AMMECR1: variants seen among roughly 807,000 people sequenced by gnomAD.
The protein encoded by AMMECR1 is nuclear protein AMMECR1.
AMMECR1 carries 3 observed loss-of-function variants against 22.5 expected under a neutral mutation model. That is an observed-to-expected ratio of 0.13 (90% CI 0.06 to 0.35). AMMECR1 has a LOEUF of 0.35. Among genes scored for constraint, AMMECR1 ranks in the 10% least tolerant of loss-of-function variants. The probability of loss-of-function intolerance (pLI) is 1.00; values close to 1 mark genes in which losing one functional copy is unlikely to be tolerated. For missense variants in AMMECR1, 235 were observed against 278.7 expected (o/e 0.84, Z 1.12); for synonymous variants, 130 against 116.7 (o/e 1.11, Z -0.74).
intron 1 of AMMECR1, among the ~76,000 whole-genome samples, chrX:110,317,322 A>G (rs935848794): frequency 5.4e-5 from 6 of 111,429 alleles, no homozygotes; most frequent in African/African-American, 2.0e-4. Context: ...AGACAAGTAA[A>G]GGAGTCAAAA....
At chrX:110,285,332 A>C (rs1246910766) in intron 1 of AMMECR1, among the ~76,000 whole-genome samples, 1 of 112,434 alleles carries the variant, frequency 8.9e-6, no homozygotes, top group Admixed American at 9.4e-5. Flanking sequence ...ACTGAATCAG[A>C]AACTGGGAGT....
chrX:110,362,251 T>C (rs1266188559), intron 2 of AMMECR1, among the ~76,000 whole-genome samples: 1 of 111,696 alleles, frequency 9.0e-6, no homozygotes, highest in Non-Finnish European at 1.9e-5. Context: ...CCCTCATCCC[T>C]ACACTAAAAC....
At chrX:110,213,615 C>A (rs1221451810) in intron 3 of AMMECR1, among the ~76,000 whole-genome samples, 1 of 111,981 alleles carries the variant, frequency 8.9e-6, no homozygotes, top group Non-Finnish European at 1.9e-5. Flanking sequence ...TGGGTATATA[C>A]CTAGAAGTGA....
At chrX:110,201,988 A>G (rs1359274467) in intron 4 of AMMECR1, among the ~76,000 whole-genome samples, 1 of 111,986 alleles carries the variant, frequency 8.9e-6, no homozygotes, top group Non-Finnish European at 1.9e-5. Flanking sequence ...TGTTTTCGCA[A>G]TCCTCTGATC....
rs1443935687 is a variant in AMMECR1 at position 110,216,534 on chromosome X, T to C, written c.683A>G (p.Asp228Gly). The C allele has an allele frequency of 8.3e-7, 1 of 1,204,864 alleles. No homozygotes were observed. Among genetic ancestry groups the C allele is most frequent in the Non-Finnish European group, 1.1e-6 (1 of 890,024 alleles). Residue 228 changes from aspartate to glycine, a missense_variant, in exon 3 of 6, where the codon GAT (aspartate) becomes GGT (glycine). By Grantham distance (94) the Asp-to-Gly change is moderately conservative. Transcript: ENST00000262844. ...TAATCTTACCTCCCAGTCCAAATAATCACAGACATCTTCAAAGTTAGTGAG... is the reference window on the plus strand; with the variant it reads ...TAATCTTACCTCCCAGTCCAAATAACCACAGACATCTTCAAAGTTAGTGAG... The part of the protein sequence containing the change: ...SLLTNFEDVC[D>G]YLDWEVGVHG...
chrX:110,334,023 A>G (rs1300000555), intron 2 of AMMECR1, among the ~76,000 whole-genome samples: 1 of 111,914 alleles, frequency 8.9e-6, no homozygotes, highest in African/African-American at 3.3e-5. Context: ...GTCTGGTAGG[A>G]GTTCCTTATA....
chrX:110,262,078 T>TA (rs1489810839), intron 2 of AMMECR1, among the ~76,000 whole-genome samples: 2 of 111,781 alleles, frequency 1.8e-5, no homozygotes, highest in Non-Finnish European at 3.8e-5. Context: ...AATAACATAA[T>TA]ACGTAAAAAT....
At chrX:110,353,034 T>A (rs2068216952) in intron 2 of AMMECR1, among the ~76,000 whole-genome samples, 1 of 112,445 alleles carries the variant, frequency 8.9e-6, no homozygotes, top group Admixed American at 9.4e-5. Flanking sequence ...GTCTTCTGAT[T>A]TAGTCTTGGT....
chrX:110,317,499 C>CAG, intron 1 of AMMECR1, 100 bp downstream of exon 1: 1 of 1,081,793 alleles, frequency 9.2e-7, no homozygotes, highest in Non-Finnish European at 1.2e-6. Context: ...AGCGAGAGGG[C>CAG]AGGGGCATCC....
chrX:110,287,417 G>A (rs969429220), intron 1 of AMMECR1, among the ~76,000 whole-genome samples: 1 of 111,969 alleles, frequency 8.9e-6, no homozygotes, highest in Admixed American at 9.4e-5. Context: ...GTTGTAGGGA[G>A]GACATCTATT....
chrX:110,217,060 A>G (rs1446362724), intron 2 of AMMECR1, among the ~76,000 whole-genome samples: 2 of 109,551 alleles, frequency 1.8e-5, no homozygotes, highest in African/African-American at 3.3e-5. Context: ...GTGTGTGTGT[A>G]TGTATACATA....
intron 1 of AMMECR1, among the ~76,000 whole-genome samples, chrX:110,437,395 C>T (rs1175587448): frequency 8.9e-6 from 1 of 112,430 alleles, no homozygotes; most frequent in Admixed American, 9.4e-5. Context: ...GTCTTCACAA[C>T]ATTATATGAT....
chrX:110,409,871 C>A (rs1192056901), intron 2 of AMMECR1, among the ~76,000 whole-genome samples: 1 of 111,267 alleles, frequency 9.0e-6, no homozygotes, highest in Non-Finnish European at 1.9e-5. Context: ...CACCTGTTGT[C>A]AGGAGCAGAA....
intron 2 of AMMECR1, among the ~76,000 whole-genome samples, chrX:110,223,571 C>T (rs2067515791): frequency 8.9e-6 from 1 of 111,929 alleles, no homozygotes; most frequent in African/African-American, 3.2e-5. Flanking sequence ...AACACACAGA[C>T]TGGCAAAATT....
intron 2 of AMMECR1, among the ~76,000 whole-genome samples, chrX:110,404,631 C>G (rs1278256056): frequency 8.9e-6 from 1 of 111,790 alleles, no homozygotes; most frequent in Non-Finnish European, 1.9e-5. Context: ...GTACCTCAGC[C>G]TATTATTTTT....
intron 1 of AMMECR1, among the ~76,000 whole-genome samples, chrX:110,428,169 C>A (rs140601435): frequency 8.9e-6 from 1 of 112,305 alleles, no homozygotes; most frequent in Non-Finnish European, 1.9e-5. Context: ...GAGTGACTTT[C>A]TGTGCCTTGT....
intron 1 of AMMECR1, among the ~76,000 whole-genome samples, chrX:110,295,944 TAGA>T (rs2067933663): frequency 8.9e-6 from 1 of 111,959 alleles, no homozygotes; most frequent in African/African-American, 3.2e-5. Context: ...TCAAATCAGA[TAGA>T]AGAGTTATAA....
At chrX:110,314,280 C>G (rs767752957) in intron 1 of AMMECR1, among the ~76,000 whole-genome samples, 1 of 111,488 alleles carries the variant, frequency 9.0e-6, no homozygotes, top group African/African-American at 3.3e-5. Context: ...TTTCTCAAAT[C>G]GGTTGTTTAC....
At chrX:110,405,768 C>T (rs997935467) in intron 2 of AMMECR1, among the ~76,000 whole-genome samples, 8 of 111,662 alleles carry the variant, frequency 7.2e-5, no homozygotes, top group Admixed American at 3.8e-4. Flanking sequence ...GTTAGACAAC[C>T]TGGGCAAGGT....
Sources: gnomAD v4.1 joint callset for allele counts (sites outside exome capture counted in the v4.1 genomes callset) on GRCh38, gnomAD v4.1.1 for gene constraint, MANE v1.5 for transcripts, NCBI Gene and HGNC (gene_info 2026-07-23, HGNC 2026-07-21) for gene names.